Variants in TMT1A observed in about 807,000 individuals in gnomAD.
TMT1A encodes thiol S-methyltransferase TMT1A.
the TMT1A span, chr12:50,925,429 C>A: frequency 6.2e-7 from 1 of 1,614,212 alleles, no homozygotes; most frequent in Non-Finnish European, 8.5e-7. Flanking sequence ...GGAGAACATG[C>A]ACCAGGTGGC....
At chr12:50,930,280 T>TG in the TMT1A span, 6,579 of 712,644 alleles carry the variant, frequency 9.2e-3, 118 homozygotes, top group African/African-American at 0.06. Context: ...GTTGGTTTTT[T>TG]TTTTTTTTTT....
At chr12:50,928,539 T>C in the TMT1A span, among the ~76,000 whole-genome samples, 1 of 152,214 alleles carries the variant, frequency 6.6e-6, no homozygotes, top group Non-Finnish European at 1.5e-5. Context: ...CTTAGTGGGC[T>C]GCAGGCATGT....
the TMT1A span, chr12:50,925,681 G>A: frequency 3.1e-6 from 3 of 982,538 alleles, no homozygotes; most frequent in African/African-American, 4.9e-5. Context: ...TTTTAGCGTG[G>A]GAGAGAAGCT....
chr12:50,927,128 T>G, the TMT1A span, among the ~76,000 whole-genome samples: 1 of 152,060 alleles, frequency 6.6e-6, no homozygotes, highest in African/African-American at 2.4e-5. Flanking sequence ...CAAGCAATCT[T>G]TCCGTCTCAG....
chr12:50,932,137 T>C, the TMT1A span: 1 of 152,218 alleles, frequency 6.6e-6, no homozygotes, highest in Non-Finnish European at 1.5e-5. Flanking sequence ...TTGCTGAATA[T>C]TGTAGATTGT....
the TMT1A span, chr12:50,925,304 C>T: frequency 1.9e-6 from 3 of 1,614,234 alleles, no homozygotes; most frequent in Non-Finnish European, 2.5e-6. Context: ...AAGTTCTACC[C>T]ACCTGGGTGC....
chr12:50,929,237 G>A, the TMT1A span, among the ~76,000 whole-genome samples: 1 of 152,104 alleles, frequency 6.6e-6, no homozygotes, highest in South Asian at 2.1e-4. Flanking sequence ...CCTGTCTCAA[G>A]AAATAATAAA....
chr12:50,925,482 C>T, the TMT1A span: 22 of 1,614,168 alleles, frequency 1.4e-5, no homozygotes, highest in African/African-American at 2.9e-4. Flanking sequence ...TGGTGCTGTG[C>T]TCTGTGAAGA....
chr12:50,929,181 G>C, the TMT1A span, among the ~76,000 whole-genome samples: 1 of 152,228 alleles, frequency 6.6e-6, no homozygotes, highest in Non-Finnish European at 1.5e-5. Flanking sequence ...GTTGCAGTGA[G>C]CTGAGACTGT....
chr12:50,930,234 A>C, the TMT1A span: 1 of 1,174,600 alleles, frequency 8.5e-7, no homozygotes, highest in Non-Finnish European at 1.1e-6. Context: ...GGAGAAGAGA[A>C]ACCTTTTTTT....
At chr12:50,925,382 G>T in the TMT1A span, 2 of 1,614,190 alleles carry the variant, frequency 1.2e-6, no homozygotes, top group African/African-American at 1.3e-5. Context: ...GCAGAGAACC[G>T]ACACCTGCAG....
At chr12:50,931,010 AAC>A in the TMT1A span, 1 of 152,222 alleles carries the variant, frequency 6.6e-6, no homozygotes, top group African/African-American at 2.4e-5. Flanking sequence ...CTTCAAAGGA[AAC>A]AGTCGACTTT....
the TMT1A span, among the ~76,000 whole-genome samples, chr12:50,929,709 A>AT: frequency 6.6e-6 from 1 of 152,256 alleles, no homozygotes; most frequent in African/African-American, 2.4e-5. Flanking sequence ...TATCACGTAC[A>AT]TATTTGTGAA....
chr12:50,930,361 C>A, the TMT1A span: 308 of 421,922 alleles, frequency 7.3e-4, 5 homozygotes, highest in East Asian at 0.012. Context: ...CTCACTGCAA[C>A]CTCCACCTCG....
chr12:50,926,851 A>G, the TMT1A span, among the ~76,000 whole-genome samples: 1 of 152,044 alleles, frequency 6.6e-6, no homozygotes, highest in Non-Finnish European at 1.5e-5. Flanking sequence ...TTCATTTTAA[A>G]CCTTTCCGTA....
At chr12:50,930,103 T>C in the TMT1A span, 16 of 1,613,836 alleles carry the variant, frequency 9.9e-6, no homozygotes, top group Non-Finnish European at 1.3e-5. Flanking sequence ...GGCCCCACTG[T>C]CCTGGGAGTT....
At chr12:50,925,444 G>A in the TMT1A span, 4 of 1,614,222 alleles carry the variant, frequency 2.5e-6, no homozygotes, top group South Asian at 4.4e-5. Context: ...GGTGGCTGAT[G>A]GCTCTGTGGA....
the TMT1A span, chr12:50,930,995 T>TC: frequency 1.7e-4 from 26 of 151,764 alleles, no homozygotes; most frequent in African/African-American, 6.1e-4. Context: ...AGCTTTGAAC[T>TC]CCCCCTTCAA....
At chr12:50,929,905 C>G in the TMT1A span, 1 of 1,527,792 alleles carries the variant, frequency 6.5e-7, no homozygotes, top group Non-Finnish European at 8.8e-7. Context: ...TTTTTTCTTT[C>G]TTTCTCAGGG....
Sources: allele counts gnomAD v4.1 joint callset (sites outside exome capture counted in the v4.1 genomes callset), GRCh38; gene constraint gnomAD v4.1.1; transcripts MANE v1.5; gene names NCBI Gene and HGNC (gene_info 2026-07-23, HGNC 2026-07-21).